INTS3: variants seen among roughly 807,000 people sequenced by gnomAD.
INTS3 encodes SOSS complex subunit A.
Under a neutral mutation model 146.3 loss-of-function variants are expected in INTS3, and 34 were observed. The ratio of observed to expected loss-of-function variants is 0.23; its 90% CI spans 0.18 to 0.31. INTS3 has a LOEUF of 0.31. Ranked by LOEUF, INTS3 falls within the 10% of genes least tolerant of loss-of-function variation. The probability of loss-of-function intolerance (pLI) is 1.00; values close to 1 mark genes in which losing one functional copy is unlikely to be tolerated. For missense variants in INTS3, 757 were observed against 1,304.2 expected (o/e 0.58, Z 6.46); for synonymous variants, 475 against 494.9 (o/e 0.96, Z 0.53).
intron 22 of INTS3, among the ~76,000 whole-genome samples, chr1:153,769,334 G>T (rs575611752): frequency 6.6e-6 from 1 of 152,266 alleles, no homozygotes; most frequent in South Asian, 2.1e-4. Flanking sequence ...GTCCCCAAGA[G>T]GCTGTAGCTT....
At chr1:153,740,492 T>C (rs766334453) in intron 1 of INTS3, among the ~76,000 whole-genome samples, 159 bp from the exon 2 acceptor site, 1 of 152,248 alleles carries the variant, frequency 6.6e-6, no homozygotes, top group Non-Finnish European at 1.5e-5. Flanking sequence ...TTCCACATTT[T>C]AGATTTTGCT....
At chr1:153,742,335 CAAAT>C (rs1310011232) in intron 3 of INTS3, among the ~76,000 whole-genome samples, 2 of 152,208 alleles carry the variant, frequency 1.3e-5, no homozygotes, top group Admixed American at 6.5e-5. Flanking sequence ...TCCTTGAAGA[CAAAT>C]GAATGTTTCC....
At chr1:153,730,624 A>G (rs1455415019) in intron 1 of INTS3, among the ~76,000 whole-genome samples, 1 of 152,180 alleles carries the variant, frequency 6.6e-6, no homozygotes, top group Non-Finnish European at 1.5e-5. Context: ...ACTAAATGAA[A>G]TGATGCAGCA....
At chr1:153,730,999 C>G (rs1278454491) in intron 1 of INTS3, among the ~76,000 whole-genome samples, 1 of 151,870 alleles carries the variant, frequency 6.6e-6, no homozygotes, top group African/African-American at 2.4e-5. Flanking sequence ...TCTGCTTGTT[C>G]TGGCTTGGTT....
At chr1:153,733,892 C>T (rs556396398) in intron 1 of INTS3, among the ~76,000 whole-genome samples, 5 of 152,312 alleles carry the variant, frequency 3.3e-5, no homozygotes, top group African/African-American at 1.2e-4. Flanking sequence ...CGTGAGCCAC[C>T]ACACCCAGCC....
chr1:153,761,029 G>C lies in INTS3; in HGVS notation c.1409+111G>C. 4 of 1,530,894 alleles carry C rather than the reference G, an allele frequency of 2.6e-6. No homozygotes were observed. In the South Asian group the frequency reaches 4.9e-5, roughly 19 times the overall value. The allele number at this position is 1,530,894 out of a possible 1,614,324, so 94.8% of individuals were successfully genotyped here. On this transcript the variant is annotated intron_variant, in intron 13 of 29. Coordinates refer to ENST00000318967, the MANE Select transcript of INTS3 (RefSeq NM_023015.5). The stretch of plus-strand genomic sequence containing the variant: ...CCCTTTTCTCTGACAGGTGTAAAAA[G>C]TATTGGCTCTACCTCAGACTGCTGG...
intron 23 of INTS3, 114 bp from the exon 24 acceptor site, chr1:153,770,058 GGTGTGTGTGTGTGTGTGTGTGTGTGT>G (rs55766761): frequency 1.6e-5 from 7 of 444,234 alleles, no homozygotes; most frequent in South Asian, 6.4e-5. Context: ...AGTGGATTGG[GGTGTGTGTGTGTGTGTGTGTGTGTGT>G]GTGTGTGTGT....
Position 153,772,764 on chromosome 1 carries a change from G to T in INTS3, c.2894+53G>T. 6 of 1,600,182 alleles carry T rather than the reference G, an allele frequency of 3.7e-6. No homozygotes were observed. The highest frequency in any genetic ancestry group is 5.1e-6 in the Non-Finnish European group (6 of 1,172,828). ...GAAAGTAGTAGGGGAAAAGCCTAAGGGAGAGGAAGCCTGCTAGGGACATAA... is the reference window on the plus strand; with the variant it reads ...GAAAGTAGTAGGGGAAAAGCCTAAGTGAGAGGAAGCCTGCTAGGGACATAA... On this transcript the variant is annotated intron_variant, in intron 28 of 29. Transcript: ENST00000318967. The surrounding 1 kb of genome is among the most constrained non-coding windows in gnomAD (Gnocchi z 4.6).
rs999080706 is a variant in INTS3 at position 153,759,732 on chromosome 1, G to A, written c.1237+119G>A. On this transcript the variant is annotated intron_variant, in intron 11 of 29. Coordinates refer to ENST00000318967, the MANE Select transcript of INTS3 (RefSeq NM_023015.5). ...TGGAGTGGAGGCAGTTTATCTGGGA[G>A]CAGCTCTGTTGTTCCTCATCAGTTT... 2.1e-5 allele frequency: 15 copies of A among 701,694 alleles called. 1 individual carries two copies. Among genetic ancestry groups the A allele is most frequent in the Admixed American group, 1.5e-4 (7 of 45,440 alleles). 43.5% of individuals were successfully genotyped at this position (701,694 alleles called of 1,614,324 possible).
intron 1 of INTS3, among the ~76,000 whole-genome samples, chr1:153,738,979 T>C (rs2101784720): frequency 6.6e-6 from 1 of 151,768 alleles, no homozygotes; most frequent in African/African-American, 2.4e-5. Flanking sequence ...CTGCAAACTC[T>C]GCCTCCCAGG....
At chr1:153,730,733 C>T (rs1312318321) in intron 1 of INTS3, among the ~76,000 whole-genome samples, 1 of 152,054 alleles carries the variant, frequency 6.6e-6, no homozygotes, top group Non-Finnish European at 1.5e-5. Context: ...GAGGGAGGGT[C>T]TTTCTTTTTT....
chr1:153,770,509 GGGCTGGGGCTCAGGT>G (rs1244338887), intron 24 of INTS3, among the ~76,000 whole-genome samples, 161 bp from the exon 25 acceptor site: 3 of 152,208 alleles, frequency 2.0e-5, no homozygotes, highest in African/African-American at 7.2e-5. Flanking sequence ...GCCAGGCTCT[GGGCTGGGGCTCAGGT>G]GGCTCAGGGA....
intron 1 of INTS3, among the ~76,000 whole-genome samples, chr1:153,731,070 A>G (rs1004613058): frequency 2.0e-5 from 3 of 152,110 alleles, no homozygotes; most frequent in Non-Finnish European, 2.9e-5. Flanking sequence ...CTGACCATAT[A>G]TGCTTACTGT....
intron 2 of INTS3, among the ~76,000 whole-genome samples, chr1:153,740,978 G>A (rs184748179): frequency 2.0e-4 from 30 of 152,208 alleles, no homozygotes; most frequent in African/African-American, 6.5e-4. Context: ...TGCCCAGGCT[G>A]GAATGCAGTG....
Position 153,769,749 on chromosome 1 carries a change from T to C in INTS3, c.2314-20T>C, listed in dbSNP as rs761329693. 5 of 1,590,732 alleles carry C rather than the reference T, an allele frequency of 3.1e-6. No individual in the cohort carries two copies. The East Asian group carries it at 1.1e-4, about 36-fold the overall frequency. ...CCTTTCAGAGCTGATGGGTTCTGCC[T>C]CCTTCCTCCACCTCCTTAGCTCCAG... On this transcript the variant is annotated intron_variant, in intron 22 of 29. Transcript: ENST00000318967.
Position 153,752,309 on chromosome 1 carries a change from C to T in INTS3, c.760C>T (p.Leu254Phe). 1 of 1,613,410 alleles carries T rather than the reference C, an allele frequency of 6.2e-7. No homozygotes were observed. The highest frequency in any genetic ancestry group is 8.5e-7 in the Non-Finnish European group (1 of 1,179,454). Residue 254 changes from leucine (L) to phenylalanine (F), a missense_variant, in exon 8 of 30, where the codon CTC becomes TTC. By Grantham distance (22) the Leu-to-Phe change is conservative. Coordinates refer to ENST00000318967, the MANE Select transcript of INTS3 (RefSeq NM_023015.5). ...GGAATGTCTGATGATTGGTCGGGAT[C>T]TCGTAAGACTACTTCAGAATGTTGC... ...FMECLMIGRD[L>F]VRLLQNVARI...
At chr1:153,756,472 C>G (rs1211911257) in intron 9 of INTS3, among the ~76,000 whole-genome samples, 1 of 151,470 alleles carries the variant, frequency 6.6e-6, no homozygotes, top group Non-Finnish European at 1.5e-5. Flanking sequence ...AGTTAGAGAC[C>G]AGCCTGGGCT....
Position 153,773,010 on chromosome 1 carries a change from A to G in INTS3, c.2980A>G (p.Ser994Gly), listed in dbSNP as rs1672968670. Residue 994 changes from serine to glycine, a missense_variant, in exon 29 of 30, where the codon AGC becomes GGC. This residue lies in a region of INTS3 where 125 missense variants were observed against 165.6 expected (regional missense o/e 0.75). Coordinates refer to ENST00000318967, the MANE Select transcript of INTS3 (RefSeq NM_023015.5). ...PKSRRKAALS[S>G]PRSRKNATQP... Reference sequence around the variant, plus strand: ...GAGCCGGCGAAAAGCAGCTCTGTCCAGCCCTCGAAGTCGAAAGAATGCCAC... The same window carrying G: ...GAGCCGGCGAAAAGCAGCTCTGTCCGGCCCTCGAAGTCGAAAGAATGCCAC... 1 of 1,614,086 alleles carries G rather than the reference A, an allele frequency of 6.2e-7. No homozygotes were observed. The highest frequency in any genetic ancestry group is 1.1e-5 in the South Asian group (1 of 91,088).
At chr1:153,729,695 G>A (rs1396388013) in intron 1 of INTS3, among the ~76,000 whole-genome samples, 9 of 151,988 alleles carry the variant, frequency 5.9e-5, no homozygotes, top group Non-Finnish European at 1.5e-5. Context: ...GTGAAACCCC[G>A]TCTCTACTAA....
Sources: allele counts gnomAD v4.1 joint callset (sites outside exome capture counted in the v4.1 genomes callset), GRCh38; gene constraint gnomAD v4.1.1; regional missense constraint gnomAD v4.1.1; non-coding constraint Gnocchi (gnomAD v3.1); transcripts MANE v1.5; gene names NCBI Gene and HGNC (gene_info 2026-07-23, HGNC 2026-07-21).